RETSAT: variants seen among roughly 807,000 people sequenced by gnomAD.
The protein encoded by RETSAT is retinol saturase.
Under a neutral mutation model 61.6 loss-of-function variants are expected in RETSAT, and 35 were observed. The ratio of observed to expected loss-of-function variants is 0.57; its 90% confidence interval spans 0.43 to 0.75. RETSAT has a LOEUF of 0.75. Ranked by LOEUF, RETSAT falls within the 30% of genes least tolerant of loss-of-function variation. RETSAT has a pLI of 0.00. For synonymous variants in RETSAT, 277 were observed against 310.4 expected, an observed-to-expected ratio of 0.89 and a Z score of 1.13; for missense variants, 670 against 759.5, an observed-to-expected ratio of 0.88 and a Z score of 1.38.
rs1260250104 is a variant in RETSAT at position 85,343,389 on chromosome 2, G to A, written c.1694-8C>T. ...AGGTGAAGATATCCTGGCCTAGGAG[G>A]CAAGAGCAGAGGCCCCTGAGCGTGC... is the stretch of plus-strand genomic sequence containing the variant. On this transcript the variant is annotated splice_polypyrimidine_tract_variant and splice_region_variant and intron_variant, in intron 10 of 10. Transcript: ENST00000295802. The A allele has an allele frequency of 1.2e-6, 2 of 1,610,128 alleles. No individual in the cohort carries two copies. The highest frequency in any genetic ancestry group is 3.3e-5 in the Admixed American group (2 of 59,828).
Position 85,344,285 on chromosome 2 carries a change from G to A in RETSAT, c.1320C>T (p.Phe440=), listed in dbSNP as rs140560562. 2.8e-5 allele frequency: 45 copies of A among 1,613,992 alleles called. No homozygotes were observed. In the African/African-American group the frequency reaches 3.7e-4, roughly 13 times the overall value. Residue 440 remains phenylalanine, a synonymous_variant, in exon 8 of 11, where the codon TTC becomes TTT. Transcript: ENST00000295802. ...TCGGATCTTTGGCTGATGGGAAAGC[G>A]AAGAAGAGAAGAGGGATGTGTTCCG... ...EAAEHIPLLF[F]AFPSAKDPTW...
At chr2:85,349,972 A>G (rs1036238854) in intron 4 of RETSAT, 68 bp downstream of exon 4, 1 of 1,468,636 alleles carries the variant, frequency 6.8e-7, no homozygotes, top group Non-Finnish European at 9.5e-7. Flanking sequence ...TCGAGAAGAA[A>G]GATTGAGAGA....
chr2:85,351,495 C>G (rs979505563), intron 2 of RETSAT, 185 bp downstream of exon 2: 1 of 598,890 alleles, frequency 1.7e-6, no homozygotes, highest in Non-Finnish European at 2.9e-6. Context: ...GCTGGGATCA[C>G]ACCACTGCGC....
At position 85,344,322 on chromosome 2, in the gene RETSAT, C is replaced by G. The variant is rs142206924; in HGVS notation, c.1283G>C (p.Arg428Thr). 1 of 1,613,982 alleles carries G rather than the reference C, an allele frequency of 6.2e-7. No individual in the cohort carries two copies. Among genetic ancestry groups the G allele is most frequent in the Non-Finnish European group, 8.5e-7 (1 of 1,180,020 alleles). ...QAMERYVSMP[R>T]EEAAEHIPLL... ...AGGGATGTGTTCCGCAGCCTCTTCC[C>G]TGGGCATGGAGACGTAGCGCTCCAT... The change falls in exon 8 of 11, where the codon AGG becomes ACG. Residue 428 changes from arginine to threonine, a missense_variant. By Grantham distance (71) the Arg-to-Thr change is moderately conservative. Coordinates refer to ENST00000295802, the MANE Select transcript of RETSAT (RefSeq NM_017750.4).
At chr2:85,346,793 A>C (rs1426627078) in intron 5 of RETSAT, among the ~76,000 whole-genome samples, 1 of 152,142 alleles carries the variant, frequency 6.6e-6, no homozygotes, top group Non-Finnish European at 1.5e-5. Flanking sequence ...TAAAATAAAA[A>C]TAAAACCCTG....
Position 85,343,626 on chromosome 2 carries a change from G to A in RETSAT, c.1693+13C>T, listed in dbSNP as rs375392484. ...GGGTCTCAGGTCCTGACAACATGGG[G>A]CAGTGAGTATACCTGTCAGATAGAG... On this transcript the variant is annotated intron_variant, in intron 10 of 10. Coordinates refer to ENST00000295802, the MANE Select transcript of RETSAT (RefSeq NM_017750.4). The A allele has an allele frequency of 3.5e-5, 57 of 1,613,878 alleles. No individual in the cohort carries two copies. The African/African-American group carries it at 6.9e-4, about 20-fold the overall frequency.
In RETSAT at chr2:85,343,278, A is replaced by C; in HGVS notation, c.1797T>G (p.Leu599=). ...KRNLYSDLKN[L]DSRIRAQKKK... The stretch of plus-strand genomic sequence containing the variant: ...TCTTCTGTGCCCGGATCCTAGAATC[A>C]AGATTCTTAAGGTCTGAGTACAAGT... Residue 599 remains leucine (L), a synonymous_variant, in exon 11 of 11, where the codon CTT becomes CTG. Transcript: ENST00000295802. The C allele has an allele frequency of 1.2e-6, 2 of 1,614,282 alleles. No individual in the cohort carries two copies. The highest frequency in any genetic ancestry group is 8.5e-7 in the Non-Finnish European group (1 of 1,180,040).
In RETSAT at chr2:85,344,044, G is replaced by A. The variant is rs1202488103; in HGVS notation, c.1488C>T (p.Ala496=). The change falls in exon 9 of 11, where the codon GCC becomes GCT. Residue 496 remains alanine, a synonymous_variant. Coordinates refer to ENST00000295802, the MANE Select transcript of RETSAT (RefSeq NM_017750.4). Reference sequence around the variant, plus strand: ...ACAGTTTCAGGACCACTGACATAGAGGCTTCCACAAAGGAGTTTTTGAAGG... The same window carrying A: ...ACAGTTTCAGGACCACTGACATAGAAGCTTCCACAAAGGAGTTTTTGAAGG... ...YETFKNSFVE[A]SMSVVLKLFP... The A allele has an allele frequency of 2.5e-6, 4 of 1,614,098 alleles. No homozygotes were observed. The highest frequency in any genetic ancestry group is 1.3e-5 in the African/African-American group (1 of 74,988).
Position 85,351,734 on chromosome 2 carries a change from T to C in RETSAT, c.301A>G (p.Lys101Glu), listed in dbSNP as rs779249840. 6.2e-7 allele frequency: 1 copy of C among 1,614,136 alleles called. No individual in the cohort carries two copies. The highest frequency in any genetic ancestry group is 2.2e-5 in the East Asian group (1 of 44,868). Residue 101 changes from lysine (K) to glutamate (E), a missense_variant, in exon 2 of 11, where the codon AAG (lysine) becomes GAG (glutamate). By Grantham distance (56) the Lys-to-Glu change is moderately conservative. Coordinates refer to ENST00000295802, the MANE Select transcript of RETSAT (RefSeq NM_017750.4). ...KRVLVLEQHT[K>E]AGGCCHTFGK... ...AAGGTATGACAGCAGCCCCCTGCCT[T>C]GGTATGTTGTTCCAGCACCAGGACT...
Position 85,350,767 on chromosome 2 carries a change from A to G in RETSAT, c.597+13T>C. ...CGAGAACAAACTCTGGGTCCTCAGC[A>G]TGTCCATGTTACCTTAACCAGCTTT... On this transcript the variant is annotated intron_variant, in intron 3 of 10. Coordinates refer to ENST00000295802, the MANE Select transcript of RETSAT (RefSeq NM_017750.4). The G allele has an allele frequency of 6.2e-7, 1 of 1,614,102 alleles. No individual in the cohort carries two copies. The highest frequency in any genetic ancestry group is 1.1e-5 in the South Asian group (1 of 91,078).
At chr2:85,347,660 G>A (rs751790494) in intron 5 of RETSAT, among the ~76,000 whole-genome samples, 24 of 152,326 alleles carry the variant, frequency 1.6e-4, no homozygotes, top group Admixed American at 5.2e-4. Flanking sequence ...GAGCCACTGC[G>A]CCCGGCCTCT....
chr2:85,344,057 G>C lies in RETSAT; in HGVS notation c.1475C>G (p.Ser492Cys), dbSNP rs149307146. Reference sequence around the variant, plus strand: ...CACTGACATAGAGGCTTCCACAAAGGAGTTTTTGAAGGTCTCATAGTCACT... The same window carrying C: ...CACTGACATAGAGGCTTCCACAAAGCAGTTTTTGAAGGTCTCATAGTCACT... ...RGSDYETFKNSFVEASMSVVL... is the reference protein window; with the variant it reads ...RGSDYETFKNCFVEASMSVVL... Residue 492 changes from serine (S) to cysteine (C), a missense_variant, in exon 9 of 11, where the codon TCC (serine) becomes TGC (cysteine). Coordinates refer to ENST00000295802, the MANE Select transcript of RETSAT (RefSeq NM_017750.4). 1.9e-6 allele frequency: 3 copies of C among 1,613,284 alleles called. No individual in the cohort carries two copies. Among genetic ancestry groups the C allele is most frequent in the Non-Finnish European group, 2.5e-6 (3 of 1,179,430 alleles).
Position 85,343,387 on chromosome 2 carries a change from A to G in RETSAT, c.1694-6T>C, listed in dbSNP as rs1402220355. 2 of 1,610,380 alleles carry G rather than the reference A, an allele frequency of 1.2e-6. No individual in the cohort carries two copies. Among genetic ancestry groups the G allele is most frequent in the Admixed American group, 1.7e-5 (1 of 59,888 alleles). On this transcript the variant is annotated splice_polypyrimidine_tract_variant and splice_region_variant and intron_variant, in intron 10 of 10. Coordinates refer to ENST00000295802, the MANE Select transcript of RETSAT (RefSeq NM_017750.4). ...ACAGGTGAAGATATCCTGGCCTAGGAGGCAAGAGCAGAGGCCCCTGAGCGT... is the reference window on the plus strand; with the variant it reads ...ACAGGTGAAGATATCCTGGCCTAGGGGGCAAGAGCAGAGGCCCCTGAGCGT...
At chr2:85,347,894 C>T (rs900012266) in intron 5 of RETSAT, among the ~76,000 whole-genome samples, 1 of 152,050 alleles carries the variant, frequency 6.6e-6, no homozygotes, top group African/African-American at 2.4e-5. Flanking sequence ...CACTGATGGC[C>T]TTTTCTCCTT....
Position 85,344,050 on chromosome 2 carries a change from C to T in RETSAT, c.1482G>A (p.Val494=). 3.7e-6 allele frequency: 6 copies of T among 1,614,118 alleles called. No individual in the cohort carries two copies. Among genetic ancestry groups the T allele is most frequent in the South Asian group, 3.3e-5 (3 of 91,086 alleles). Reference sequence around the variant, plus strand: ...TCAGGACCACTGACATAGAGGCTTCCACAAAGGAGTTTTTGAAGGTCTCAT... The same window carrying T: ...TCAGGACCACTGACATAGAGGCTTCTACAAAGGAGTTTTTGAAGGTCTCAT... ...SDYETFKNSF[V]EASMSVVLKL... Residue 494 remains valine (V), a synonymous_variant, in exon 9 of 11, where the codon GTG becomes GTA. Coordinates refer to ENST00000295802, the MANE Select transcript of RETSAT (RefSeq NM_017750.4).
chr2:85,350,641 G>T (rs1414837014), intron 3 of RETSAT, 139 bp downstream of exon 3: 2 of 984,306 alleles, frequency 2.0e-6, no homozygotes, highest in African/African-American at 1.6e-5. Context: ...TTGGGTGGAG[G>T]CTGAGCTAAG....
chr2:85,354,297 C>T, intron 1 of RETSAT, 39 bp downstream of exon 1: 1 of 1,610,568 alleles, frequency 6.2e-7, no homozygotes, highest in Non-Finnish European at 8.5e-7. Flanking sequence ...GTGAGAAAGC[C>T]TCGAGTGCAG....
At position 85,343,283 on chromosome 2, in the gene RETSAT, T is replaced by C. The variant is rs71337785; in HGVS notation, c.1792A>G (p.Asn598Asp). The C allele has an allele frequency of 1.2e-6, 2 of 1,614,276 alleles. No individual in the cohort carries two copies. The highest frequency in any genetic ancestry group is 8.5e-7 in the Non-Finnish European group (1 of 1,180,030). The change falls in exon 11 of 11, where the codon AAT (asparagine) becomes GAT (aspartate). Residue 598 changes from asparagine (N) to aspartate (D), a missense_variant. Asn to Asp is a conservative substitution (Grantham distance 23). Transcript: ENST00000295802. ...LKRNLYSDLKNLDSRIRAQKK... is the reference protein window; with the variant it reads ...LKRNLYSDLKDLDSRIRAQKK... ...TGTGCCCGGATCCTAGAATCAAGAT[T>C]CTTAAGGTCTGAGTACAAGTTCCGC...
At chr2:85,349,312 C>G (rs1683258499) in intron 5 of RETSAT, 72 bp downstream of exon 5, 7 of 1,483,442 alleles carry the variant, frequency 4.7e-6, no homozygotes, top group Admixed American at 3.4e-5. Context: ...TCCTTCTGGT[C>G]TCAGGGAGAC....
Sources: gnomAD v4.1 joint callset for allele counts (sites outside exome capture counted in the v4.1 genomes callset) on GRCh38, gnomAD v4.1.1 for gene constraint, MANE v1.5 for transcripts, NCBI Gene and HGNC (gene_info 2026-07-23, HGNC 2026-07-21) for gene names.